Variants in MACROD2 observed in about 807,000 individuals in gnomAD.
MACROD2 encodes mono-ADP ribosylhydrolase 2.
MACROD2 carries 36 observed loss-of-function variants against 70.4 expected under a neutral mutation model. The ratio of observed to expected loss-of-function variants is 0.51; its 90% CI spans 0.39 to 0.68. The LOEUF (loss-of-function observed/expected upper bound fraction) is 0.68. Ranked by LOEUF, MACROD2 falls within the 30% of genes least tolerant of loss-of-function variation. MACROD2 has a pLI of 0.00. For missense variants in MACROD2, 496 were observed against 538.4 expected, an observed-to-expected ratio of 0.92 and a Z score of 0.78; for synonymous variants, 172 against 178.8, an observed-to-expected ratio of 0.96 and a Z score of 0.30.
chr20:15,770,779 G>T (rs1282504302), intron 8 of MACROD2, among the ~76,000 whole-genome samples: 2 of 152,074 alleles, frequency 1.3e-5, no homozygotes, highest in African/African-American at 2.4e-5. Flanking sequence ...TCCACTCCCT[G>T]TGTCTTAATC....
chr20:14,757,760 T>C lies in MACROD2; in HGVS notation c.418+72801T>C, dbSNP rs2071960314. ...GGCACAGTTTGCCTGGAGACATTTC[T>C]ACTGGTACCTTCCCAATGAGGGTAT... is the stretch of plus-strand genomic sequence containing the variant. On this transcript the variant is annotated intron_variant, in intron 5 of 17. Coordinates refer to ENST00000684519, the MANE Select transcript of MACROD2 (RefSeq NM_001351661.2). 2.4e-5 allele frequency: 37 copies of C among 1,534,868 alleles called. 1 individual carries two copies. The South Asian group carries it at 3.8e-4, about 16-fold the overall frequency.
At chr20:14,740,553 T>C (rs186494002) in intron 5 of MACROD2, among the ~76,000 whole-genome samples, 13 of 152,314 alleles carry the variant, frequency 8.5e-5, no homozygotes, top group Non-Finnish European at 1.3e-4. Flanking sequence ...TGTGAATTAT[T>C]TCATGTTTTT....
intron 7 of MACROD2, among the ~76,000 whole-genome samples, chr20:15,450,512 A>G (rs1212504715): frequency 2.0e-5 from 3 of 152,130 alleles, no homozygotes; most frequent in African/African-American, 4.8e-5. Flanking sequence ...TATTATATAC[A>G]ATAAAAAATG....
At chr20:14,802,116 A>G (rs1290905895) in intron 5 of MACROD2, among the ~76,000 whole-genome samples, 2 of 152,060 alleles carry the variant, frequency 1.3e-5, no homozygotes, top group African/African-American at 4.8e-5. Flanking sequence ...GTGATGTCGC[A>G]TGTGCTGAAC....
rs1445155410 is a variant in MACROD2, at chr20:15,150,687, A to G, written c.419-79253A>G. The stretch of plus-strand genomic sequence containing the variant: ...TACTTGTGGGTTAAGGTGGGGGGAT[A>G]CAAGAGGAGGATGCAAAGGAGGCTT... On this transcript the variant is annotated intron_variant, in intron 5 of 17. Transcript: ENST00000684519. Among the ~76,000 whole-genome samples the G allele has an allele frequency of 2.0e-5, 3 of 151,906 alleles. No homozygotes were observed. The East Asian group carries it at 5.8e-4, about 29-fold the overall frequency.
chr20:14,423,654 C>CAT (rs1287628079), intron 3 of MACROD2, among the ~76,000 whole-genome samples: 1 of 141,340 alleles, frequency 7.1e-6, no homozygotes, highest in African/African-American at 2.6e-5. Context: ...GAGCTGAGAT[C>CAT]GCCTCACTGC....
At chr20:14,892,781 TA>T (rs1417677810) in intron 5 of MACROD2, 1 of 152,250 alleles carries the variant, frequency 6.6e-6, no homozygotes, top group East Asian at 1.9e-4. Context: ...TGGGCTCAAG[TA>T]ATTCTCCTGC....
At chr20:15,526,798 A>G (rs997766945) in intron 8 of MACROD2, among the ~76,000 whole-genome samples, 2 of 152,218 alleles carry the variant, frequency 1.3e-5, no homozygotes, top group Non-Finnish European at 2.9e-5. Flanking sequence ...GGGCATTAAA[A>G]GAGGATGCCC....
chr20:14,168,696 A>AAAACTC (rs2081192803), intron 3 of MACROD2, among the ~76,000 whole-genome samples: 1 of 152,202 alleles, frequency 6.6e-6, no homozygotes, highest in Non-Finnish European at 1.5e-5. Flanking sequence ...ACTGCCCTAA[A>AAAACTC]AAACTCCTTT....
rs143896858 is a variant in MACROD2, at chr20:15,917,931, G to A, written c.776-15345G>A. ...TGTTTTGTAGCCCCAGATAAGTAGT[G>A]CTGCTTTCTTATTTTACTCCCATGC... On this transcript the variant is annotated intron_variant, in intron 10 of 17. Coordinates refer to ENST00000684519, the MANE Select transcript of MACROD2 (RefSeq NM_001351661.2). Among the ~76,000 whole-genome samples, 552 of 151,944 alleles carry A rather than the reference G, an allele frequency of 3.6e-3. 2 individuals are homozygous for A. Among genetic ancestry groups the A allele is most frequent in the African/African-American group, 0.013 (529 of 41,454 alleles).
chr20:14,928,627 A>C (rs2074261679), intron 5 of MACROD2, among the ~76,000 whole-genome samples: 1 of 152,190 alleles, frequency 6.6e-6, no homozygotes, highest in Admixed American at 6.5e-5. Context: ...AAGGTGCTTG[A>C]TACCAAAGCA....
At chr20:15,395,491 A>G (rs1420029892) in intron 6 of MACROD2, among the ~76,000 whole-genome samples, 1 of 152,222 alleles carries the variant, frequency 6.6e-6, no homozygotes. Flanking sequence ...AGGGCCAGAT[A>G]GAAAAAAATT....
At chr20:14,477,854 C>T (rs2084615944) in intron 3 of MACROD2, among the ~76,000 whole-genome samples, 1 of 152,052 alleles carries the variant, frequency 6.6e-6, no homozygotes, top group Non-Finnish European at 1.5e-5. Flanking sequence ...TCTTATTGCA[C>T]TGGAATTGAA....
At chr20:15,553,349 A>G (rs755952791) in intron 8 of MACROD2, among the ~76,000 whole-genome samples, 68 of 152,212 alleles carry the variant, frequency 4.5e-4, no homozygotes, top group Non-Finnish European at 2.1e-4. Flanking sequence ...CTGCAGGAAT[A>G]CATAGGGTCA....
chr20:15,041,589 A>G (rs1568545329), intron 5 of MACROD2, among the ~76,000 whole-genome samples: 1 of 151,716 alleles, frequency 6.6e-6, no homozygotes, highest in African/African-American at 2.4e-5. Flanking sequence ...GTACCAACAC[A>G]CCCATCACAC....
chr20:14,403,098 GA>G (rs1271182648), intron 3 of MACROD2, among the ~76,000 whole-genome samples: 1 of 151,996 alleles, frequency 6.6e-6, no homozygotes, highest in South Asian at 2.1e-4. Context: ...GGATATTAAA[GA>G]AATTCTTTTA....
intron 2 of MACROD2, among the ~76,000 whole-genome samples, chr20:14,072,155 C>T (rs1477943102): frequency 6.6e-6 from 1 of 152,148 alleles, no homozygotes; most frequent in Admixed American, 6.5e-5. Flanking sequence ...AAACTACTGA[C>T]ACCTTTGTAT....
At chr20:16,006,312 A>G (rs1175230774) in intron 15 of MACROD2, among the ~76,000 whole-genome samples, 1 of 152,036 alleles carries the variant, frequency 6.6e-6, no homozygotes, top group Non-Finnish European at 1.5e-5. Flanking sequence ...GCCTTAAGTT[A>G]CTCTCAAATG....
intron 5 of MACROD2, among the ~76,000 whole-genome samples, chr20:14,869,106 G>A (rs755929952): frequency 3.3e-5 from 5 of 152,168 alleles, no homozygotes; most frequent in Non-Finnish European, 7.4e-5. Context: ...AATAGCACAG[G>A]TCACATACCC....
Sources: gnomAD v4.1 joint callset for allele counts (sites outside exome capture counted in the v4.1 genomes callset) on GRCh38, gnomAD v4.1.1 for gene constraint, MANE v1.5 for transcripts, NCBI Gene and HGNC (gene_info 2026-07-23, HGNC 2026-07-21) for gene names.